The following CACNA2D1 variants were observed in gnomAD, a reference collection of about 807,000 sequenced individuals.
CACNA2D1 encodes voltage-dependent calcium channel subunit alpha-2/delta-1.
CACNA2D1 carries 53 observed loss-of-function variants against 171.5 expected under a neutral mutation model. The ratio of observed to expected loss-of-function variants is 0.31; its 90% CI spans 0.25 to 0.39. The LOEUF (loss-of-function observed/expected upper bound fraction) is 0.39. CACNA2D1 is among the 10% of genes least tolerant of loss of function. CACNA2D1 has a pLI of 1.00. For missense variants in CACNA2D1, 903 were observed against 1,299.8 expected (o/e 0.69, Z 4.69); for synonymous variants, 442 against 443.1 (o/e 1.00, Z 0.03).
At chr7:82,405,751 G>A (rs1203104739) in intron 1 of CACNA2D1, among the ~76,000 whole-genome samples, 1 of 152,108 alleles carries the variant, frequency 6.6e-6, no homozygotes, top group African/African-American at 2.4e-5. Flanking sequence ...ATCAAAGTGT[G>A]TCACATCCTC....
At chr7:82,002,042 A>AGAGAG (rs1554346938) in intron 18 of CACNA2D1, among the ~76,000 whole-genome samples, 14 of 140,924 alleles carry the variant, frequency 9.9e-5, no homozygotes, top group African/African-American at 3.8e-4. Flanking sequence ...AAAAAAAAAA[A>AGAGAG]AGAGAGAGAG....
chr7:82,046,351 C>T (rs1214455774), intron 10 of CACNA2D1, among the ~76,000 whole-genome samples: 1 of 152,158 alleles, frequency 6.6e-6, no homozygotes, highest in Non-Finnish European at 1.5e-5. Flanking sequence ...ACTAATGACA[C>T]TCATGGAGTT....
chr7:82,291,601 A>G (rs1377891014), intron 3 of CACNA2D1, among the ~76,000 whole-genome samples: 1 of 143,392 alleles, frequency 7.0e-6, no homozygotes, highest in Non-Finnish European at 1.5e-5. Context: ...TAATATATAA[A>G]AAATATATAT....
chr7:81,967,497 T>G (rs17240387), intron 30 of CACNA2D1, 99 bp downstream of exon 30: 1 of 698,592 alleles, frequency 1.4e-6, no homozygotes, highest in Non-Finnish European at 2.5e-6. Flanking sequence ...TGTAGTGGTA[T>G]TGAGAATGTA....
At chr7:82,218,203 G>T (rs1402944890) in intron 3 of CACNA2D1, among the ~76,000 whole-genome samples, 1 of 151,928 alleles carries the variant, frequency 6.6e-6, no homozygotes, top group Non-Finnish European at 1.5e-5. Context: ...CAAAGTGCTG[G>T]GATTACAGGT....
intron 11 of CACNA2D1, among the ~76,000 whole-genome samples, chr7:82,036,432 C>T (rs1027601728): frequency 5.3e-5 from 8 of 152,154 alleles, no homozygotes; most frequent in African/African-American, 1.9e-4. Flanking sequence ...CTAAAATATG[C>T]TCCTTTTTCT....
chr7:81,954,869 A>G (rs1049970451), intron 38 of CACNA2D1, among the ~76,000 whole-genome samples: 1 of 152,130 alleles, frequency 6.6e-6, no homozygotes, highest in African/African-American at 2.4e-5. Context: ...GCATAATAAT[A>G]GGAATAATGC....
intron 38 of CACNA2D1, 57 bp from the exon 39 acceptor site, chr7:81,950,565 A>T: frequency 1.9e-5 from 30 of 1,543,856 alleles, no homozygotes; most frequent in Non-Finnish European, 2.5e-5. Flanking sequence ...AATCTTGAAA[A>T]ATATTTAGTA....
rs918220897 is a variant in CACNA2D1, at chr7:81,961,852, T to C, written c.2966+42A>G. ...TTAATGATTATAACAGTATATACAA[T>C]TTCTTAATGAAATAGGACTACTCCT... On this transcript the variant is annotated intron_variant, in intron 36 of 38. Transcript: ENST00000356860. 8.6e-6 allele frequency: 9 copies of C among 1,047,430 alleles called. No individual in the cohort carries two copies. In the African/African-American group the frequency reaches 1.8e-4, roughly 21 times the overall value. The allele number at this position is 1,047,430 out of a possible 1,614,324, so 64.9% of individuals were successfully genotyped here. A position where few individuals can be genotyped will look rare whatever the true frequency, so the allele number is the denominator to read the frequency against.
At chr7:82,425,918 C>T (rs1359650793) in intron 1 of CACNA2D1, among the ~76,000 whole-genome samples, 2 of 151,042 alleles carry the variant, frequency 1.3e-5, no homozygotes, top group Non-Finnish European at 3.0e-5. Context: ...CACCTGAGGT[C>T]GGGAGTTCAA....
At chr7:82,399,785 G>C (rs1238314020) in intron 1 of CACNA2D1, among the ~76,000 whole-genome samples, 1 of 141,026 alleles carries the variant, frequency 7.1e-6, no homozygotes, top group Non-Finnish European at 1.5e-5. Context: ...GTTCAAAATG[G>C]GGCACTTGGG....
intron 3 of CACNA2D1, among the ~76,000 whole-genome samples, chr7:82,171,015 G>A (rs1795963838): frequency 6.6e-6 from 1 of 151,922 alleles, no homozygotes. Flanking sequence ...AGATTAATAT[G>A]CACTAAACAA....
Position 82,084,875 on chromosome 7 carries a change from G to A in CACNA2D1, c.552C>T (p.Asn184=). ...EGSTIVLNEL[N]WTSALDEVFK... ...AAACTTCATCTAAGGCACTTGTCCA[G>A]TTGAGTTCATTTAACACAATTGTTG... is the stretch of plus-strand genomic sequence containing the variant. The change falls in exon 7 of 39, where the codon AAC becomes AAT. Residue 184 remains asparagine (N), a synonymous_variant. Transcript: ENST00000356860. 6.2e-7 allele frequency: 1 copy of A among 1,613,412 alleles called. No individual in the cohort carries two copies. The highest frequency in any genetic ancestry group is 1.1e-5 in the South Asian group (1 of 91,060).
chr7:81,957,336 T>C (rs1390877295), intron 38 of CACNA2D1, among the ~76,000 whole-genome samples: 1 of 152,106 alleles, frequency 6.6e-6, no homozygotes, highest in Non-Finnish European at 1.5e-5. Flanking sequence ...ACAACAACAT[T>C]GGTCCTGAGA....
At chr7:82,340,951 T>A (rs1818555034) in intron 2 of CACNA2D1, among the ~76,000 whole-genome samples, 1 of 152,334 alleles carries the variant, frequency 6.6e-6, no homozygotes, top group South Asian at 2.1e-4. Flanking sequence ...ATATCTTCAA[T>A]ACTAATGAAG....
Position 81,967,169 on chromosome 7 carries a change from G to A in CACNA2D1, c.2502C>T (p.Asp834=), listed in dbSNP as rs142390338. The A allele has an allele frequency of 3.5e-4, 557 of 1,603,318 alleles. 5 individuals are homozygous for A. The East Asian group carries it at 1.0e-2, about 29-fold the overall frequency. ...GPVCDCKRNS[D]VMDCVILDDG... The stretch of plus-strand genomic sequence containing the variant: ...AAGTGATTTTAAATAGTTTTCTTAC[G>A]TCACTGTTTCTTTTGCAGTCACAAA... The change falls in exon 31 of 39, where the codon GAC becomes GAT. Residue 834 remains aspartate (D), a splice_region_variant and synonymous_variant. Coordinates refer to ENST00000356860, the MANE Select transcript of CACNA2D1 (RefSeq NM_000722.4).
chr7:82,330,936 T>C (rs969386314), intron 3 of CACNA2D1, among the ~76,000 whole-genome samples: 7 of 152,096 alleles, frequency 4.6e-5, no homozygotes, highest in African/African-American at 1.7e-4. Context: ...AGTATAGTCT[T>C]TGTACCAGGA....
chr7:82,039,755 A>C (rs1341721541), intron 10 of CACNA2D1, among the ~76,000 whole-genome samples: 1 of 152,192 alleles, frequency 6.6e-6, no homozygotes, highest in East Asian at 1.9e-4. Flanking sequence ...CAAAGGAAGA[A>C]CATTCCAAGC....
chr7:82,269,201 T>C (rs888921781), intron 3 of CACNA2D1, among the ~76,000 whole-genome samples: 2 of 152,182 alleles, frequency 1.3e-5, no homozygotes, highest in Non-Finnish European at 2.9e-5. Flanking sequence ...AATAGTCTCC[T>C]TGGTAGCTTC....
Sources: gnomAD v4.1 joint callset for allele counts (sites outside exome capture counted in the v4.1 genomes callset) on GRCh38, gnomAD v4.1.1 for gene constraint, MANE v1.5 for transcripts, NCBI Gene and HGNC (gene_info 2026-07-23, HGNC 2026-07-21) for gene names.